The following CGNL1 variants were observed in gnomAD, a reference collection of about 807,000 sequenced individuals.
CGNL1 encodes cingulin like 1, also known as cingulin-like protein 1.
Under a neutral mutation model 141.2 loss-of-function variants are expected in CGNL1, and 132 were observed. The observed-to-expected ratio is 0.93, with a 90% CI of 0.81 to 1.08. The LOEUF (loss-of-function observed/expected upper bound fraction) is 1.08. CGNL1 is among the 50% of genes least tolerant of loss of function. The probability of loss-of-function intolerance (pLI) is 0.00; values close to 1 mark genes in which losing one functional copy is unlikely to be tolerated. For missense variants in CGNL1, 1,870 were observed against 1,588.6 expected (o/e 1.18, Z -3.01); for synonymous variants, 690 against 622.1 (o/e 1.11, Z -1.63).
At chr15:57,475,276 C>G (rs2063637454) in intron 8 of CGNL1, among the ~76,000 whole-genome samples, 1 of 152,224 alleles carries the variant, frequency 6.6e-6, no homozygotes. Flanking sequence ...CTGGCCCTCA[C>G]TGTTGTCCCT....
chr15:57,427,326 T>C (rs2062986716), intron 1 of CGNL1, among the ~76,000 whole-genome samples: 1 of 152,236 alleles, frequency 6.6e-6, no homozygotes. Flanking sequence ...ATGTTTTTAA[T>C]AGCCACACTA....
At chr15:57,386,450 A>G (rs1226771876) in intron 1 of CGNL1, among the ~76,000 whole-genome samples, 3 of 152,206 alleles carry the variant, frequency 2.0e-5, no homozygotes. Context: ...CAAGGACACT[A>G]AAATGGTTGG....
At chr15:57,543,016 T>A (rs2032648167) in intron 14 of CGNL1, among the ~76,000 whole-genome samples, 1 of 152,200 alleles carries the variant, frequency 6.6e-6, no homozygotes, top group African/African-American at 2.4e-5. Flanking sequence ...TGTAACAAAG[T>A]AACACAACCT....
At chr15:57,394,957 C>A (rs1181998191) in intron 1 of CGNL1, among the ~76,000 whole-genome samples, 1 of 152,124 alleles carries the variant, frequency 6.6e-6, no homozygotes, top group East Asian at 1.9e-4. Flanking sequence ...ACTAAAAATA[C>A]AAAAATTAGC....
chr15:57,420,440 T>G lies in CGNL1; in HGVS notation c.-15-17545T>G, dbSNP rs187961729. Among the ~76,000 whole-genome samples, 8 of 152,328 alleles carry G rather than the reference T, an allele frequency of 5.3e-5. No homozygotes were observed. The East Asian group carries it at 1.4e-3, about 26-fold the overall frequency. ...TCTCCACTTTCATCAATTAACCACA[T>G]GGGTCATTCTAACCTCCTCCCCTTG... On this transcript the variant is annotated intron_variant, in intron 1 of 18. Transcript: ENST00000281282.
At chr15:57,535,184 A>T (rs1313788956) in intron 14 of CGNL1, among the ~76,000 whole-genome samples, 1 of 152,148 alleles carries the variant, frequency 6.6e-6, no homozygotes, top group Non-Finnish European at 1.5e-5. Flanking sequence ...TTAGGTCTCA[A>T]TTTCCAAGGC....
chr15:57,464,440 G>C (rs2063484479), intron 8 of CGNL1, among the ~76,000 whole-genome samples: 1 of 152,180 alleles, frequency 6.6e-6, no homozygotes, highest in Non-Finnish European at 1.5e-5. Context: ...TCAAGAGCCT[G>C]TGCTCTTAGC....
chr15:57,427,788 A>C (rs2062995321), intron 1 of CGNL1, among the ~76,000 whole-genome samples: 1 of 152,122 alleles, frequency 6.6e-6, no homozygotes, highest in Non-Finnish European at 1.5e-5. Flanking sequence ...CTCCCTTAAG[A>C]GATACTTGAT....
intron 12 of CGNL1, 117 bp from the exon 13 acceptor site, chr15:57,528,537 A>G (rs2031756547): frequency 3.0e-6 from 3 of 1,006,512 alleles, no homozygotes; most frequent in East Asian, 4.9e-5. Context: ...CTGATCTCCC[A>G]TATTGTGGGA....
At chr15:57,487,694 TA>T (rs1344542673) in intron 8 of CGNL1, among the ~76,000 whole-genome samples, 1 of 152,254 alleles carries the variant, frequency 6.6e-6, no homozygotes, top group Non-Finnish European at 1.5e-5. Flanking sequence ...ATTGTGCTGT[TA>T]TTGAGAACTT....
At chr15:57,519,686 G>GT (rs1242219638) in intron 10 of CGNL1, among the ~76,000 whole-genome samples, 1 of 152,160 alleles carries the variant, frequency 6.6e-6, no homozygotes, top group Admixed American at 6.5e-5. Context: ...CTGTGCTGCT[G>GT]TTTAAAGCTT....
chr15:57,395,337 A>T (rs1175710583), intron 1 of CGNL1, among the ~76,000 whole-genome samples: 1 of 152,218 alleles, frequency 6.6e-6, no homozygotes, highest in African/African-American at 2.4e-5. Context: ...AAATCTTCTT[A>T]CTTCTGCAAA....
At chr15:57,545,987 C>T in intron 17 of CGNL1, 89 bp from the exon 18 acceptor site, 1 of 1,450,818 alleles carries the variant, frequency 6.9e-7, no homozygotes, top group Non-Finnish European at 9.4e-7. Context: ...TCTTGGTTGC[C>T]TGGGGAGATG....
intron 1 of CGNL1, among the ~76,000 whole-genome samples, chr15:57,418,891 G>A (rs1595683332): frequency 1.3e-5 from 2 of 151,984 alleles, no homozygotes; most frequent in Non-Finnish European, 2.9e-5. Context: ...CAGCCCTGGA[G>A]TGACCACACT....
intron 6 of CGNL1, among the ~76,000 whole-genome samples, chr15:57,453,359 T>A (rs1201785643): frequency 6.6e-6 from 1 of 152,188 alleles, no homozygotes; most frequent in African/African-American, 2.4e-5. Flanking sequence ...TAGTGGGAAA[T>A]TTTTCTGTTT....
chr15:57,462,173 C>T (rs984609581), intron 8 of CGNL1, among the ~76,000 whole-genome samples: 1 of 152,130 alleles, frequency 6.6e-6, no homozygotes, highest in Non-Finnish European at 1.5e-5. Context: ...TCTGCAGCCC[C>T]TTGCAGAGTG....
At chr15:57,487,955 T>C (rs1051438554) in intron 8 of CGNL1, among the ~76,000 whole-genome samples, 2 of 152,144 alleles carry the variant, frequency 1.3e-5, no homozygotes, top group African/African-American at 4.8e-5. Context: ...TGCTGGGTCA[T>C]AAAATAACTG....
At position 57,442,433 on chromosome 15, in the gene CGNL1, G is replaced by C. The variant is rs756755183; in HGVS notation, c.1758G>C (p.Gln586His). 6.2e-7 allele frequency: 1 copy of C among 1,613,720 alleles called. No homozygotes were observed. Among genetic ancestry groups the C allele is most frequent in the Non-Finnish European group, 8.5e-7 (1 of 1,179,746 alleles). Reference sequence around the variant, plus strand: ...TCAACTTGGTCTTTGAGAAAATCCAGACCTTAAAGTCTCGAGCAGCTGGGA... The same window carrying C: ...TCAACTTGGTCTTTGAGAAAATCCACACCTTAAAGTCTCGAGCAGCTGGGA... ...RKVNLVFEKI[Q>H]TLKSRAAGSA... The change falls in exon 4 of 19, where the codon CAG (glutamine) becomes CAC (histidine). Residue 586 changes from glutamine (Q) to histidine (H), a missense_variant. Physicochemically the swap from Gln to His is conservative, Grantham distance 24. Coordinates refer to ENST00000281282, the MANE Select transcript of CGNL1 (RefSeq NM_032866.5).
rs117974365 is a variant in CGNL1, at chr15:57,492,437, A to C, written c.2404-24343A>C. 8.6e-3 allele frequency among the ~76,000 whole-genome samples: 1,304 copies of C among 152,340 alleles called. 8 individuals carry two copies. The highest frequency in any genetic ancestry group is 0.014 in the Admixed American group (215 of 15,308). Reference sequence around the variant, plus strand: ...AAACTTTGTGAGCAATAGATTTGCAACTTTGTTTATACATTGACATTTTTC... The same window carrying C: ...AAACTTTGTGAGCAATAGATTTGCACCTTTGTTTATACATTGACATTTTTC... On this transcript the variant is annotated intron_variant, in intron 8 of 18. Transcript: ENST00000281282.
Sources: gnomAD v4.1 joint callset for allele counts (sites outside exome capture counted in the v4.1 genomes callset) on GRCh38, gnomAD v4.1.1 for gene constraint, MANE v1.5 for transcripts, NCBI Gene and HGNC (gene_info 2026-07-23, HGNC 2026-07-21) for gene names.